Variants in RPS6KC1 observed in about 807,000 individuals in gnomAD.
RPS6KC1 encodes ribosomal protein S6 kinase C1, also known as inactive ribosomal protein S6 kinase delta-1.
Under a neutral mutation model 103.8 loss-of-function variants are expected in RPS6KC1, and 54 were observed. The observed-to-expected ratio is 0.52, with a 90% CI of 0.42 to 0.65. The LOEUF is 0.65. RPS6KC1 is among the 30% of genes least tolerant of loss of function. The probability of loss-of-function intolerance (pLI) is 0.00; values close to 1 mark genes in which losing one functional copy is unlikely to be tolerated. For synonymous variants in RPS6KC1, 439 were observed against 438.7 expected, an observed-to-expected ratio of 1.00 and a Z score of -0.01; for missense variants, 1,151 against 1,253.8, an observed-to-expected ratio of 0.92 and a Z score of 1.24.
the RPS6KC1 span, among the ~76,000 whole-genome samples, chr1:213,296,626 G>A: frequency 1.0e-3 from 152 of 152,354 alleles, no homozygotes; most frequent in Non-Finnish European, 1.8e-3. Flanking sequence ...TTTAAAGGAT[G>A]TTCTGTCTTG....
chr1:213,702,596 A>G, the RPS6KC1 span, among the ~76,000 whole-genome samples: 7 of 152,106 alleles, frequency 4.6e-5, no homozygotes, highest in African/African-American at 1.4e-4. Flanking sequence ...TAAGTGCTGC[A>G]GTGTTGGTGC....
chr1:213,663,650 C>T, the RPS6KC1 span, among the ~76,000 whole-genome samples: 2 of 152,214 alleles, frequency 1.3e-5, no homozygotes, highest in African/African-American at 2.4e-5. Context: ...CTATTCCTCT[C>T]TGTCTCTTTC....
At chr1:213,493,917 G>A in the RPS6KC1 span, among the ~76,000 whole-genome samples, 1 of 152,276 alleles carries the variant, frequency 6.6e-6, no homozygotes, top group African/African-American at 2.4e-5. Context: ...GGATTTTATA[G>A]AGTAATGGTT....
At chr1:213,687,178 T>C in the RPS6KC1 span, among the ~76,000 whole-genome samples, 1 of 152,182 alleles carries the variant, frequency 6.6e-6, no homozygotes, top group Non-Finnish European at 1.5e-5. Context: ...ATCCTGTGAC[T>C]AAGAATGTCT....
chr1:213,757,676 A>C, the RPS6KC1 span, among the ~76,000 whole-genome samples: 2 of 152,224 alleles, frequency 1.3e-5, no homozygotes. Context: ...AGGGGGCTGC[A>C]ATAAACAGCA....
the RPS6KC1 span, among the ~76,000 whole-genome samples, chr1:213,704,408 A>AC: frequency 6.6e-6 from 1 of 151,140 alleles, no homozygotes; most frequent in Non-Finnish European, 1.5e-5. Context: ...AAAAAAAAAA[A>AC]AAAACTCTGA....
Position 213,241,707 on chromosome 1 carries a change from A to T in RPS6KC1, c.2231A>T (p.His744Leu), listed in dbSNP as rs548020129. The T allele has an allele frequency of 5.6e-6, 9 of 1,613,962 alleles. No individual in the cohort carries two copies. The highest frequency in any genetic ancestry group is 1.1e-5 in the South Asian group (1 of 91,082). Residue 744 changes from histidine to leucine, a missense_variant, in exon 11 of 15, where the codon CAT becomes CTT. This residue lies in a region of RPS6KC1 where 959 missense variants were observed against 1,006.3 expected (regional missense o/e 0.95). Transcript: ENST00000366960. ...LRLSTEQCQA[H>L]EEKGIEELSD... Reference sequence around the variant, plus strand: ...CTTAGTACTGAACAATGCCAAGCACATGAGGAGAAAGGCATAGAGGAACTG... The same window carrying T: ...CTTAGTACTGAACAATGCCAAGCACTTGAGGAGAAAGGCATAGAGGAACTG...
the RPS6KC1 span, among the ~76,000 whole-genome samples, chr1:213,380,804 C>A: frequency 2.9e-3 from 449 of 152,276 alleles, 2 homozygotes; most frequent in African/African-American, 9.6e-3. Context: ...GTATTTCCGC[C>A]ATCCGCAGCT....
At chr1:213,608,164 A>G in the RPS6KC1 span, among the ~76,000 whole-genome samples, 1 of 152,194 alleles carries the variant, frequency 6.6e-6, no homozygotes, top group Non-Finnish European at 1.5e-5. Context: ...AGCCTCTCCC[A>G]GGAAGCAAGA....
At chr1:213,504,011 A>T in the RPS6KC1 span, among the ~76,000 whole-genome samples, 11 of 152,230 alleles carry the variant, frequency 7.2e-5, no homozygotes, top group African/African-American at 2.7e-4. Flanking sequence ...AGGGGAATAC[A>T]TAAATACATC....
the RPS6KC1 span, among the ~76,000 whole-genome samples, chr1:213,450,617 G>C: frequency 1.3e-5 from 2 of 152,052 alleles, no homozygotes; most frequent in South Asian, 2.1e-4. Context: ...TTGTCTCCTG[G>C]AGTCAGGAGT....
At chr1:213,695,393 T>C in the RPS6KC1 span, among the ~76,000 whole-genome samples, 1 of 152,068 alleles carries the variant, frequency 6.6e-6, no homozygotes, top group African/African-American at 2.4e-5. Context: ...AAGAAGTCAC[T>C]GGAGGAGTGG....
At chr1:213,775,567 T>C in the RPS6KC1 span, among the ~76,000 whole-genome samples, 2 of 152,220 alleles carry the variant, frequency 1.3e-5, no homozygotes, top group African/African-American at 4.8e-5. Context: ...TAAAATACTT[T>C]ATTGCTAAAA....
the RPS6KC1 span, among the ~76,000 whole-genome samples, chr1:213,489,921 C>A: frequency 6.6e-6 from 1 of 152,152 alleles, no homozygotes; most frequent in Non-Finnish European, 1.5e-5. Flanking sequence ...AGACACTCAG[C>A]CTCTATGCTG....
At chr1:213,428,753 G>C in the RPS6KC1 span, 2 of 148,958 alleles carry the variant, frequency 1.3e-5, no homozygotes, top group Non-Finnish European at 3.0e-5. Context: ...TGACAGATGC[G>C]TAGGTAACCA....
chr1:213,131,203 C>T (rs1558382882), intron 6 of RPS6KC1, among the ~76,000 whole-genome samples: 1 of 151,934 alleles, frequency 6.6e-6, no homozygotes, highest in African/African-American at 2.4e-5. Context: ...AGTCTTGTTT[C>T]TTTTTTCATT....
chr1:213,414,107 A>G, the RPS6KC1 span, among the ~76,000 whole-genome samples: 1 of 152,060 alleles, frequency 6.6e-6, no homozygotes, highest in African/African-American at 2.4e-5. Context: ...ACAGGCCTGG[A>G]GGTGGGGATG....
At chr1:213,053,699 A>T (rs1194676783) in intron 1 of RPS6KC1, among the ~76,000 whole-genome samples, 1 of 152,202 alleles carries the variant, frequency 6.6e-6, no homozygotes, top group Admixed American at 6.5e-5. Flanking sequence ...AGGAGAGGGT[A>T]TGAAAAGGTA....
chr1:213,401,568 C>G, the RPS6KC1 span, among the ~76,000 whole-genome samples: 1 of 152,128 alleles, frequency 6.6e-6, no homozygotes, highest in African/African-American at 2.4e-5. Flanking sequence ...ATGTCATGTG[C>G]CCCATCACAC....
Sources: allele counts gnomAD v4.1 joint callset (sites outside exome capture counted in the v4.1 genomes callset), GRCh38; gene constraint gnomAD v4.1.1; regional missense constraint gnomAD v4.1.1; transcripts MANE v1.5; gene names NCBI Gene and HGNC (gene_info 2026-07-23, HGNC 2026-07-21).